The following CES5A variants were observed in gnomAD, a reference collection of about 807,000 sequenced individuals.
CES5A encodes the protein carboxylesterase 5.
CES5A carries 67 observed loss-of-function variants against 62.9 expected under a neutral mutation model. The observed-to-expected ratio is 1.07, with a 90% CI of 0.88 to 1.31. CES5A has a LOEUF of 1.31. CES5A is among the 50% of genes most tolerant of loss of function. The probability of loss-of-function intolerance (pLI) is 0.00; values close to 1 mark genes in which losing one functional copy is unlikely to be tolerated. For missense variants in CES5A, 748 were observed against 708.5 expected (o/e 1.06, Z -0.63); for synonymous variants, 296 against 280.8 (o/e 1.05, Z -0.54).
At chr16:55,873,658 C>T (rs1467038028) in intron 2 of CES5A, among the ~76,000 whole-genome samples, 175 bp downstream of exon 2, 1 of 152,150 alleles carries the variant, frequency 6.6e-6, no homozygotes, top group Non-Finnish European at 1.5e-5. Flanking sequence ...GTGACCTGGC[C>T]ATCAGCCAGT....
intron 2 of CES5A, among the ~76,000 whole-genome samples, chr16:55,949,045 G>T (rs541903835): frequency 6.6e-6 from 1 of 152,146 alleles, no homozygotes; most frequent in South Asian, 2.1e-4. Context: ...CCCAGGGCAG[G>T]TTTAAAGGTT....
intron 1 of CES5A, among the ~76,000 whole-genome samples, chr16:55,903,899 A>G (rs2034014627): frequency 6.6e-6 from 1 of 152,228 alleles, no homozygotes; most frequent in Non-Finnish European, 1.5e-5. Flanking sequence ...AAGGGGGGAA[A>G]AGGGAAATAT....
At chr16:55,938,797 T>TATATATATATAC (rs1440495150) in intron 2 of CES5A, among the ~76,000 whole-genome samples, 7 of 51,086 alleles carry the variant, frequency 1.4e-4, no homozygotes, top group East Asian at 7.4e-4. Flanking sequence ...TATATATATA[T>TATATATATATAC]ACACACATAT....
chr16:55,940,011 G>T (rs2034430028), intron 2 of CES5A, among the ~76,000 whole-genome samples: 1 of 151,792 alleles, frequency 6.6e-6, no homozygotes, highest in Non-Finnish European at 1.5e-5. Context: ...TTTGTGAAGT[G>T]CTTCTAAAAT....
Position 55,871,763 on chromosome 16 carries a change from C to A in CES5A, c.279G>T (p.Leu93Phe). 6.2e-7 allele frequency: 1 copy of A among 1,613,788 alleles called. No individual in the cohort carries two copies. The highest frequency in any genetic ancestry group is 8.5e-7 in the Non-Finnish European group (1 of 1,179,770). ...GCAGCCACTCTGAGTTCTGGAGGCA[C>A]CTTGGAGAAGGAGAGGAGAAAACCC... ...NLREATSYPNLCLQNSEWLLL... is the reference protein window; with the variant it reads ...NLREATSYPNFCLQNSEWLLL... Residue 93 changes from leucine (L) to phenylalanine (F), a missense_variant and splice_region_variant, in exon 3 of 13, where the codon TTG becomes TTT. Physicochemically the swap from Leu to Phe is conservative, Grantham distance 22. Coordinates refer to ENST00000290567, the MANE Select transcript of CES5A (RefSeq NM_001143685.2).
At chr16:55,915,034 C>T (rs568484698) in intron 1 of CES5A, among the ~76,000 whole-genome samples, 2 of 151,130 alleles carry the variant, frequency 1.3e-5, no homozygotes, top group Admixed American at 1.3e-4. Flanking sequence ...CTTCCTTTGG[C>T]TCAAAGCCTG....
intron 1 of CES5A, among the ~76,000 whole-genome samples, chr16:55,910,379 A>G (rs1476198878): frequency 6.6e-6 from 1 of 152,122 alleles, no homozygotes; most frequent in Non-Finnish European, 1.5e-5. Flanking sequence ...GCAGATAAAG[A>G]ACAGCTTCAG....
chr16:55,889,252 G>A (rs1264895899), intron 1 of CES5A, among the ~76,000 whole-genome samples: 4 of 152,140 alleles, frequency 2.6e-5, no homozygotes, highest in Non-Finnish European at 4.4e-5. Flanking sequence ...AGAAATGCCA[G>A]CTGGGTATCT....
chr16:55,951,059 G>T (rs762238548), intron 1 of CES5A, among the ~76,000 whole-genome samples: 14 of 121,574 alleles, frequency 1.2e-4, no homozygotes, highest in African/African-American at 4.5e-4. Flanking sequence ...CCAGGATTGC[G>T]CCACAAACTA....
chr16:55,894,320 A>G lies in CES5A; in HGVS notation c.-255-20283T>C, dbSNP rs188315682. 2.6e-3 allele frequency among the ~76,000 whole-genome samples: 395 copies of G among 152,024 alleles called. 3 individuals carry two copies. Among genetic ancestry groups the G allele is most frequent in the Admixed American group, 4.8e-3 (73 of 15,260 alleles). On this transcript the variant is annotated intron_variant, in intron 1 of 12. Coordinates refer to the CES5A transcript ENST00000518005. ...TCAGGAGTTCAAGACCAGCCTGGCC[A>G]ACATAGTGAAACCCCATCTCTACTA...
Position 55,869,818 on chromosome 16 carries a change from G to A in CES5A, c.418-74C>T, listed in dbSNP as rs1212699838. 2.1e-5 allele frequency: 31 copies of A among 1,500,212 alleles called. No homozygotes were observed. The Admixed American group carries it at 5.5e-4, about 27-fold the overall frequency. The allele number at this position is 1,500,212 out of a possible 1,614,324, so 92.9% of individuals were successfully genotyped here. A position where few individuals can be genotyped will look rare whatever the true frequency, so the allele number is the denominator to read the frequency against. Reference sequence around the variant, plus strand: ...CCTCCCCATGCAGTTTGAGGCACACGTTCTTAAGGTGAAATATAAATGTCC... The same window carrying A: ...CCTCCCCATGCAGTTTGAGGCACACATTCTTAAGGTGAAATATAAATGTCC... On this transcript the variant is annotated intron_variant, in intron 3 of 12. Transcript: ENST00000290567.
At chr16:55,938,795 T>C (rs187593542) in intron 2 of CES5A, among the ~76,000 whole-genome samples, 71 of 56,402 alleles carry the variant, frequency 1.3e-3, no homozygotes, top group African/African-American at 3.7e-3. Context: ...TATATATATA[T>C]ATACACACAT....
At chr16:55,934,588 A>G (rs1597156291) in intron 2 of CES5A, among the ~76,000 whole-genome samples, 1 of 152,208 alleles carries the variant, frequency 6.6e-6, no homozygotes. Flanking sequence ...CTCAAAAGTT[A>G]TATTCTTCAT....
chr16:55,869,734 C>A lies in CES5A; in HGVS notation c.428G>T (p.Trp143Leu). Residue 143 changes from tryptophan (W) to leucine (L), a missense_variant, in exon 4 of 13, where the codon TGG becomes TTG. By Grantham distance (61) the Trp-to-Leu change is moderately conservative. Transcript: ENST00000290567. ...AGTCTTGAAGGCACCTCCTGGGAAC[C>A]ACACCAAGACCTGAGGAGGGGAGAA... ...DTGSKLPVLV[W>L]FPGGAFKTGS... The A allele has an allele frequency of 6.2e-7, 1 of 1,603,122 alleles. No homozygotes were observed. Among genetic ancestry groups the A allele is most frequent in the East Asian group, 2.2e-5 (1 of 44,574 alleles).
At chr16:55,866,688 A>T (rs1217071277) in intron 4 of CES5A, among the ~76,000 whole-genome samples, 1 of 149,240 alleles carries the variant, frequency 6.7e-6, no homozygotes, top group Non-Finnish European at 1.5e-5. Flanking sequence ...ATACAAAAAA[A>T]TTAGCTGGAC....
intron 2 of CES5A, among the ~76,000 whole-genome samples, chr16:55,872,497 G>C (rs1246728787): frequency 1.3e-5 from 2 of 152,184 alleles, no homozygotes; most frequent in East Asian, 3.9e-4. Flanking sequence ...GCAGCTAAAA[G>C]CCTAAGACTC....
At chr16:55,935,739 C>T (rs1270072209) in intron 2 of CES5A, among the ~76,000 whole-genome samples, 1 of 152,056 alleles carries the variant, frequency 6.6e-6, no homozygotes, top group African/African-American at 2.4e-5. Context: ...AACTTCTTTG[C>T]CAGTGCATTC....
At chr16:55,876,104 C>T (rs1411773537), upstream of CES5A, among the ~76,000 whole-genome samples, 1 of 152,216 alleles carries the variant, frequency 6.6e-6, no homozygotes, top group East Asian at 1.9e-4. Flanking sequence ...CCATGACTGT[C>T]TTCCTCCTTG....
At chr16:55,884,517 A>G (rs1480634065) in intron 1 of CES5A, among the ~76,000 whole-genome samples, 2 of 151,774 alleles carry the variant, frequency 1.3e-5, no homozygotes, top group Non-Finnish European at 2.9e-5. Flanking sequence ...ATGTTAATGA[A>G]CCCAGTTCTA....
Sources: allele counts gnomAD v4.1 joint callset (sites outside exome capture counted in the v4.1 genomes callset), GRCh38; gene constraint gnomAD v4.1.1; transcripts MANE v1.5; gene names NCBI Gene and HGNC (gene_info 2026-07-23, HGNC 2026-07-21).